ZNF560: variants seen among roughly 807,000 people sequenced by gnomAD.
ZNF560 encodes zinc finger protein 560.
ZNF560 carries 54 observed loss-of-function variants against 81.8 expected under a neutral mutation model. The ratio of observed to expected loss-of-function variants is 0.66; its 90% CI spans 0.53 to 0.83. The LOEUF (loss-of-function observed/expected upper bound fraction) is 0.83, where lower values mean the gene tolerates loss of function less well. Ranked by LOEUF, ZNF560 falls within the 40% of genes least tolerant of loss-of-function variation. The pLI, the probability that ZNF560 is intolerant of heterozygous loss-of-function variation, is 0.00. For synonymous variants in ZNF560, 321 were observed against 317.9 expected (o/e 1.01, Z -0.10); for missense variants, 940 against 932.4 (o/e 1.01, Z -0.11).
At chr19:9,458,815 G>A in the ZNF560 span, among the ~76,000 whole-genome samples, 9 of 152,192 alleles carry the variant, frequency 5.9e-5, no homozygotes, top group East Asian at 1.9e-4. Context: ...ATTAACCAGC[G>A]ATGCCCAACT....
chr19:9,486,136 A>C (rs1169598217), intron 2 of ZNF560, among the ~76,000 whole-genome samples: 5 of 152,200 alleles, frequency 3.3e-5, no homozygotes, highest in Non-Finnish European at 7.3e-5. Context: ...GTGCATTAAG[A>C]AATGCCCAAT....
Position 9,466,625 on chromosome 19 carries a change from C to T in ZNF560, c.2322G>A (p.Gly774=), listed in dbSNP as rs558878776. 4.3e-6 allele frequency: 7 copies of T among 1,612,152 alleles called. No individual in the cohort carries two copies. The highest frequency in any genetic ancestry group is 1.1e-5 in the South Asian group (1 of 90,824). ...GAGCTGAGAAAGAAGCAAAGGCTTT[C>T]CCACACTGGTCACATTCAAAGGGTT... The part of the protein sequence containing the change: ...GEKPFECDQC[G]KAFASFSARI... The change falls in exon 10 of 10, where the codon GGG becomes GGA. Residue 774 remains glycine, a synonymous_variant. Transcript: ENST00000301480.
In ZNF560 at chr19:9,467,334, T is replaced by C. The variant is rs766119014; in HGVS notation, c.1613A>G (p.His538Arg). Residue 538 changes from histidine to arginine, a missense_variant, in exon 10 of 10, where the codon CAC (histidine) becomes CGC (arginine). Coordinates refer to ENST00000301480, the MANE Select transcript of ZNF560 (RefSeq NM_152476.3). Reference protein sequence around the residue: ...SACLRIHMRTHTEERLYQCKK... With the variant: ...SACLRIHMRTRTEERLYQCKK... ...ACATTGATAGAGTCTCTCTTCTGTGTGAGTTCGCATGTGAATACGAAGACA... is the reference window on the plus strand; with the variant it reads ...ACATTGATAGAGTCTCTCTTCTGTGCGAGTTCGCATGTGAATACGAAGACA... 1.2e-6 allele frequency: 2 copies of C among 1,614,178 alleles called. No homozygotes were observed. Among genetic ancestry groups the C allele is most frequent in the Non-Finnish European group, 8.5e-7 (1 of 1,180,030 alleles).
chr19:9,493,797 G>C (rs1219528303), intron 2 of ZNF560, among the ~76,000 whole-genome samples: 2 of 152,048 alleles, frequency 1.3e-5, no homozygotes, highest in East Asian at 3.9e-4. Flanking sequence ...TTAGTCTTCA[G>C]GTAACAGAAT....
chr19:9,503,068 T>C (rs1047070585), upstream of ZNF560, among the ~76,000 whole-genome samples: 2 of 152,100 alleles, frequency 1.3e-5, no homozygotes, highest in Non-Finnish European at 2.9e-5. Flanking sequence ...ATAAATTTCC[T>C]ACTGAGGCCA....
At chr19:9,489,778 G>C (rs918971129) in intron 2 of ZNF560, among the ~76,000 whole-genome samples, 15 of 152,142 alleles carry the variant, frequency 9.9e-5, no homozygotes, top group Non-Finnish European at 4.4e-5. Context: ...TTTCAGTAGA[G>C]ACAGGGTTTC....
downstream of ZNF560, among the ~76,000 whole-genome samples, chr19:9,463,917 A>G (rs2072974489): frequency 6.6e-6 from 1 of 152,154 alleles, no homozygotes; most frequent in Non-Finnish European, 1.5e-5. Context: ...TCCTGAGCCC[A>G]AGTGATCCGC....
Position 9,467,097 on chromosome 19 carries a change from T to C in ZNF560, c.1850A>G (p.Lys617Arg). ...KAFTERSDLT[K>R]HLRRHTGDKP... ...ATCTCCAGTGTGTCTTCGTAAATGT[T>C]TAGTAAGATCTGAGCGTTCTGTGAA... The change falls in exon 10 of 10, where the codon AAA (lysine) becomes AGA (arginine). Residue 617 changes from lysine (K) to arginine (R), a missense_variant. Lys to Arg is a conservative substitution (Grantham distance 26, BLOSUM62 2). Coordinates refer to ENST00000301480, the MANE Select transcript of ZNF560 (RefSeq NM_152476.3). The C allele has an allele frequency of 4.3e-6, 7 of 1,614,010 alleles. No individual in the cohort carries two copies. The highest frequency in any genetic ancestry group is 5.9e-6 in the Non-Finnish European group (7 of 1,180,006).
At chr19:9,456,414 G>T in the ZNF560 span, among the ~76,000 whole-genome samples, 1 of 152,180 alleles carries the variant, frequency 6.6e-6, no homozygotes. Context: ...AACCGGGAGA[G>T]CGTATAGGGC....
At chr19:9,480,777 CA>C (rs1239663643) in intron 2 of ZNF560, among the ~76,000 whole-genome samples, 2 of 151,754 alleles carry the variant, frequency 1.3e-5, no homozygotes, top group East Asian at 1.9e-4. Flanking sequence ...CTCATCTGTA[CA>C]AAAAAATGCT....
At chr19:9,482,458 G>A (rs2073305533) in intron 2 of ZNF560, among the ~76,000 whole-genome samples, 1 of 150,108 alleles carries the variant, frequency 6.7e-6, no homozygotes, top group African/African-American at 2.4e-5. Context: ...GGGGGAGAAG[G>A]AAGGAAGGAA....
intron 2 of ZNF560, among the ~76,000 whole-genome samples, chr19:9,496,276 T>G (rs1221642730): frequency 2.0e-5 from 3 of 151,822 alleles, no homozygotes; most frequent in African/African-American, 7.3e-5. Flanking sequence ...AGCCCAGTAG[T>G]TCAAGGCTGC....
In ZNF560 at chr19:9,466,551, C is replaced by G. The variant is rs560763946; in HGVS notation, c.*23G>C. 5 of 1,543,366 alleles carry G rather than the reference C, an allele frequency of 3.2e-6. No individual in the cohort carries two copies. The highest frequency in any genetic ancestry group is 4.4e-6 in the Non-Finnish European group (5 of 1,147,538). ...GAAACAGCAAAGGTTTTTCCACATT[C>G]TTCACATCCACAGGGCTTCTCTCTA... On this transcript the variant is annotated 3_prime_UTR_variant, in exon 10 of 10. Coordinates refer to ENST00000301480, the MANE Select transcript of ZNF560 (RefSeq NM_152476.3).
chr19:9,464,673 TAC>T (rs1426807269), downstream of ZNF560, among the ~76,000 whole-genome samples: 3 of 152,194 alleles, frequency 2.0e-5, no homozygotes, highest in African/African-American at 7.2e-5. Context: ...AAAGAGAATC[TAC>T]ACTGTTAAAA....
downstream of ZNF560, among the ~76,000 whole-genome samples, chr19:9,465,525 C>T (rs926877705): frequency 1.6e-4 from 24 of 152,282 alleles, no homozygotes; most frequent in African/African-American, 5.5e-4. Context: ...CTCCCACATG[C>T]CTTTAACTTT....
upstream of ZNF560, among the ~76,000 whole-genome samples, chr19:9,502,145 T>C (rs1042317508): frequency 1.3e-5 from 2 of 150,934 alleles, no homozygotes; most frequent in African/African-American, 4.9e-5. Flanking sequence ...CAGAGCAAGA[T>C]CTCATCTCAA....
At chr19:9,504,952 G>A in the ZNF560 span, among the ~76,000 whole-genome samples, 3 of 152,198 alleles carry the variant, frequency 2.0e-5, no homozygotes, top group Non-Finnish European at 1.5e-5. Context: ...GGGTGTGGTG[G>A]CACACACCTG....
chr19:9,499,999 A>G (rs928262112), upstream of ZNF560, among the ~76,000 whole-genome samples: 1 of 152,202 alleles, frequency 6.6e-6, no homozygotes, highest in African/African-American at 2.4e-5. Context: ...TTCTCTATAT[A>G]TCAAATATCA....
intron 2 of ZNF560, among the ~76,000 whole-genome samples, chr19:9,496,298 A>G (rs2073556537): frequency 6.6e-6 from 1 of 152,042 alleles, no homozygotes; most frequent in South Asian, 2.1e-4. Context: ...GTGAGCTAGG[A>G]TCGTGACACT....
Sources: gnomAD v4.1 joint callset for allele counts (sites outside exome capture counted in the v4.1 genomes callset) on GRCh38, gnomAD v4.1.1 for gene constraint, MANE v1.5 for transcripts, NCBI Gene and HGNC (gene_info 2026-07-23, HGNC 2026-07-21) for gene names.